The following CRPPA variants were observed in gnomAD, a reference collection of about 807,000 sequenced individuals.
CRPPA encodes the protein D-ribitol-5-phosphate cytidylyltransferase.
A neutral mutation model predicts 52.0 loss-of-function variants in CRPPA; 43 were observed. That is an observed-to-expected ratio of 0.83 (90% CI 0.65 to 1.07). The LOEUF is 1.07. CRPPA is among the 50% of genes least tolerant of loss of function. The probability of loss-of-function intolerance (pLI) is 0.00; values close to 1 mark genes in which losing one functional copy is unlikely to be tolerated. For missense variants in CRPPA, 629 were observed against 551.7 expected, an observed-to-expected ratio of 1.14 and a Z score of -1.40; for synonymous variants, 250 against 203.5, an observed-to-expected ratio of 1.23 and a Z score of -1.94.
At chr7:16,270,381 A>G (rs1784063988) in intron 6 of CRPPA, 1 of 152,176 alleles carries the variant, frequency 6.6e-6, no homozygotes, top group Non-Finnish European at 1.5e-5. Context: ...AAAAAAATAG[A>G]GAAAATAGCA....
At chr7:16,366,789 GA>G (rs1478034308) in intron 3 of CRPPA, among the ~76,000 whole-genome samples, 1 of 133,648 alleles carries the variant, frequency 7.5e-6, no homozygotes, top group Non-Finnish European at 1.6e-5. Context: ...GCAAGAGGGA[GA>G]AAAATAAAAA....
chr7:16,399,412 T>C lies in CRPPA; in HGVS notation c.534+6649A>G, dbSNP rs997847865. Among the ~76,000 whole-genome samples the C allele has an allele frequency of 3.5e-5, 4 of 113,952 alleles. No individual in the cohort carries two copies. In the East Asian group the frequency reaches 1.1e-3, roughly 33 times the overall value. 74.8% of individuals were successfully genotyped at this position (113,952 alleles called of 152,430 possible). On this transcript the variant is annotated intron_variant, in intron 2 of 9. Transcript: ENST00000407010. ...AAGTGATTGGCATGTGACACCTTTG[T>C]GACATGTGACAAGTGACAAGATTGG...
chr7:16,163,800 T>A (rs940782511), intron 9 of CRPPA, among the ~76,000 whole-genome samples: 6 of 152,202 alleles, frequency 3.9e-5, no homozygotes, highest in Non-Finnish European at 7.3e-5. Flanking sequence ...CTTATGAAAT[T>A]CTGGGTTGAA....
At chr7:16,407,646 G>A (rs1039603408) in intron 1 of CRPPA, among the ~76,000 whole-genome samples, 1 of 152,126 alleles carries the variant, frequency 6.6e-6, no homozygotes, top group Non-Finnish European at 1.5e-5. Flanking sequence ...ACCCAGTAAT[G>A]TCTCCTACCT....
intron 1 of CRPPA, among the ~76,000 whole-genome samples, chr7:16,413,937 C>T (rs923005953): frequency 3.3e-5 from 5 of 152,226 alleles, no homozygotes; most frequent in African/African-American, 1.2e-4. Context: ...TTCACTCTAG[C>T]CAAACTGAAA....
chr7:16,175,253 C>G (rs1408810606), intron 9 of CRPPA, among the ~76,000 whole-genome samples: 1 of 152,120 alleles, frequency 6.6e-6, no homozygotes, highest in Non-Finnish European at 1.5e-5. Context: ...TCACAGTACT[C>G]TCTAAAGTAT....
intron 8 of CRPPA, among the ~76,000 whole-genome samples, chr7:16,237,104 G>A (rs544801374): frequency 2.0e-5 from 3 of 151,982 alleles, no homozygotes; most frequent in South Asian, 2.1e-4. Flanking sequence ...ACTATCATTC[G>A]CCAAGTTTTA....
At chr7:16,111,686 G>A (rs1006375432) in intron 9 of CRPPA, among the ~76,000 whole-genome samples, 3 of 152,066 alleles carry the variant, frequency 2.0e-5, no homozygotes, top group Non-Finnish European at 2.9e-5. Context: ...AAATATCACA[G>A]GTCCTTACTT....
intron 8 of CRPPA, among the ~76,000 whole-genome samples, chr7:16,222,457 AG>A (rs1005562585): frequency 4.6e-5 from 7 of 151,662 alleles, no homozygotes; most frequent in African/African-American, 1.5e-4. Flanking sequence ...AAAAAAAAAA[AG>A]AAAAAAAGAA....
intron 9 of CRPPA, among the ~76,000 whole-genome samples, chr7:16,179,384 C>A (rs955926286): frequency 3.3e-5 from 5 of 152,000 alleles, no homozygotes; most frequent in African/African-American, 9.7e-5. Flanking sequence ...AGAAGTTTTG[C>A]AGGTATGATT....
chr7:16,293,317 A>G (rs779374739), intron 5 of CRPPA, among the ~76,000 whole-genome samples: 6 of 134,806 alleles, frequency 4.5e-5, no homozygotes, highest in Non-Finnish European at 9.4e-5. Context: ...ATCCAAAAGT[A>G]GCCATTTCCA....
intron 1 of CRPPA, among the ~76,000 whole-genome samples, chr7:16,419,538 T>A (rs1343879777): frequency 6.6e-6 from 1 of 152,188 alleles, no homozygotes; most frequent in African/African-American, 2.4e-5. Flanking sequence ...GGGTCATGCA[T>A]CCTCTGGCTG....
chr7:16,407,692 C>T (rs928061653), intron 1 of CRPPA, among the ~76,000 whole-genome samples: 1 of 152,208 alleles, frequency 6.6e-6, no homozygotes, highest in Non-Finnish European at 1.5e-5. Flanking sequence ...CAACCAAAAA[C>T]CCCATTCTGC....
chr7:16,202,326 C>T (rs2128393881), intron 9 of CRPPA, among the ~76,000 whole-genome samples: 1 of 152,200 alleles, frequency 6.6e-6, no homozygotes, highest in African/African-American at 2.4e-5. Flanking sequence ...TTCAGGAATA[C>T]ACTATCTATA....
chr7:16,319,402 C>T (rs1025222234), intron 3 of CRPPA, among the ~76,000 whole-genome samples: 5 of 152,078 alleles, frequency 3.3e-5, no homozygotes, highest in African/African-American at 4.8e-5. Flanking sequence ...CCTACATCAC[C>T]GTCTTGGAAA....
chr7:16,221,524 G>C (rs1288284663), intron 8 of CRPPA, among the ~76,000 whole-genome samples: 2 of 152,056 alleles, frequency 1.3e-5, no homozygotes, highest in Non-Finnish European at 2.9e-5. Context: ...CAAAATGGGA[G>C]AAGATTTTCA....
At chr7:16,341,972 GTCTT>G (rs1785855502) in intron 3 of CRPPA, among the ~76,000 whole-genome samples, 1 of 151,976 alleles carries the variant, frequency 6.6e-6, no homozygotes, top group Non-Finnish European at 1.5e-5. Flanking sequence ...GTGTGTCACA[GTCTT>G]TCTTTCTGGC....
chr7:16,245,482 A>C, intron 8 of CRPPA, among the ~76,000 whole-genome samples: 1 of 152,330 alleles, frequency 6.6e-6, no homozygotes, highest in African/African-American at 2.4e-5. Context: ...TGACAGGACA[A>C]TTCAAACACC....
chr7:16,221,354 C>T (rs982373813), intron 8 of CRPPA, among the ~76,000 whole-genome samples: 2 of 152,086 alleles, frequency 1.3e-5, no homozygotes, highest in African/African-American at 4.8e-5. Context: ...AGAAGAAAAC[C>T]TAGGCATCAC....
Sources: allele counts gnomAD v4.1 joint callset (sites outside exome capture counted in the v4.1 genomes callset), GRCh38; gene constraint gnomAD v4.1.1; transcripts MANE v1.5; gene names NCBI Gene and HGNC (gene_info 2026-07-23, HGNC 2026-07-21).